Variants in DLC1 observed in about 807,000 individuals in gnomAD.
DLC1 encodes the protein DLC1 Rho GTPase activating protein.
In DLC1, 54 loss-of-function variants were observed where a neutral mutation model predicts 140.3. That is an observed-to-expected ratio of 0.38 (90% CI 0.31 to 0.48). The LOEUF (loss-of-function observed/expected upper bound fraction) is 0.48. DLC1 is among the 20% of genes least tolerant of loss of function. The probability of loss-of-function intolerance (pLI) is 0.96; values close to 1 mark genes in which losing one functional copy is unlikely to be tolerated. For missense variants in DLC1, 2,536 were observed against 1,907.0 expected (o/e 1.33, Z -6.14); for synonymous variants, 986 against 728.1 (o/e 1.35, Z -5.70).
At chr8:13,554,695 C>T (rs1803980764) in intron 1 of DLC1, among the ~76,000 whole-genome samples, 1 of 152,190 alleles carries the variant, frequency 6.6e-6, no homozygotes, top group East Asian at 1.9e-4. Context: ...ACCACCTCTA[C>T]TGCTACCAGT....
intron 16 of DLC1, 78 bp downstream of exon 16, chr8:13,088,409 T>G: frequency 1.3e-6 from 2 of 1,488,146 alleles, no homozygotes; most frequent in South Asian, 1.2e-5. Flanking sequence ...TATACCATCT[T>G]GTAAGATCAG....
intron 5 of DLC1, among the ~76,000 whole-genome samples, chr8:13,147,410 T>A (rs1823513604): frequency 6.6e-6 from 1 of 152,216 alleles, no homozygotes; most frequent in Non-Finnish European, 1.5e-5. Context: ...TCCCAGTAGC[T>A]TGTGTTCCTT....
intron 4 of DLC1, among the ~76,000 whole-genome samples, chr8:13,374,062 G>C (rs1363469746): frequency 6.6e-6 from 1 of 152,140 alleles, no homozygotes; most frequent in Admixed American, 6.6e-5. Context: ...CTCATAATGT[G>C]ATATTTTCTG....
At chr8:13,423,383 A>G (rs1416139557) in intron 2 of DLC1, among the ~76,000 whole-genome samples, 1 of 152,172 alleles carries the variant, frequency 6.6e-6, no homozygotes, top group African/African-American at 2.4e-5. Context: ...TTTCAAGGTG[A>G]ACCTAAATTT....
intron 5 of DLC1, among the ~76,000 whole-genome samples, chr8:13,159,656 T>C (rs529981358): frequency 5.6e-4 from 85 of 152,240 alleles, no homozygotes; most frequent in African/African-American, 2.0e-3. Context: ...GCACAGGTAC[T>C]ACAGAACAGA....
At chr8:13,117,737 T>A (rs1820683105) in intron 5 of DLC1, among the ~76,000 whole-genome samples, 1 of 152,326 alleles carries the variant, frequency 6.6e-6, no homozygotes, top group South Asian at 2.1e-4. Context: ...GTGCCCGCCC[T>A]TTTTTGACGA....
chr8:13,271,622 T>C (rs1830934707), intron 5 of DLC1, among the ~76,000 whole-genome samples: 2 of 152,260 alleles, frequency 1.3e-5, no homozygotes, highest in South Asian at 4.1e-4. Context: ...TTTGCCTAAA[T>C]TTTCTTGCCC....
At chr8:13,421,641 C>T (rs887948890) in intron 2 of DLC1, among the ~76,000 whole-genome samples, 5 of 152,072 alleles carry the variant, frequency 3.3e-5, no homozygotes, top group African/African-American at 1.2e-4. Context: ...AACTCAAAAA[C>T]GTCTTTGTGG....
rs1014453458 is a variant in DLC1 at position 13,324,751 on chromosome 8, A to T, written c.1315-19449T>A. ...CTTTTTAAGATTAGAGTCTTGTTGC[A>T]TACCAAGCAGTTGCAGAGTCTTTAC... is the stretch of plus-strand genomic sequence containing the variant. On this transcript the variant is annotated intron_variant, in intron 4 of 17. Transcript: ENST00000276297. Among the ~76,000 whole-genome samples the T allele has an allele frequency of 5.9e-5, 9 of 152,202 alleles. No homozygotes were observed. In the East Asian group the frequency reaches 1.5e-3, roughly 26 times the overall value.
chr8:13,480,604 C>T (rs545351678), intron 2 of DLC1, among the ~76,000 whole-genome samples: 3 of 152,166 alleles, frequency 2.0e-5, no homozygotes, highest in East Asian at 1.9e-4. Context: ...ATGCTAAAAT[C>T]GTAAAAATGC....
At position 13,597,657 on chromosome 8, in the gene DLC1, C is replaced by A. The variant is rs560981073; in HGVS notation, c.-126+6880G>T. Among the ~76,000 whole-genome samples the A allele has an allele frequency of 1.0e-3, 152 of 152,068 alleles. No homozygotes were observed. The Middle Eastern group carries it at 0.021, about 21-fold the overall frequency. ...CTTAAATGGAATTATGGGATGCACA[C>A]ACATGGGAGGCACTGACCATAATAA... is the stretch of plus-strand genomic sequence containing the variant. On this transcript the variant is annotated intron_variant, in intron 1 of 1. Coordinates refer to the DLC1 transcript ENST00000631382.
chr8:13,129,204 C>G (rs1480366265), intron 5 of DLC1, among the ~76,000 whole-genome samples: 1 of 152,208 alleles, frequency 6.6e-6, no homozygotes, highest in Non-Finnish European at 1.5e-5. Flanking sequence ...ATACTTCAAC[C>G]CTACAGCACT....
chr8:13,219,022 G>GAATATAATTATATACGAATATAAT (rs1251796878), intron 5 of DLC1, among the ~76,000 whole-genome samples: 2 of 82,108 alleles, frequency 2.4e-5, no homozygotes, highest in East Asian at 1.2e-3. Context: ...AATTATATAC[G>GAATATAATTATATACGAATATAAT]TATATAATTA....
chr8:13,147,981 C>T (rs1823556246), intron 5 of DLC1, among the ~76,000 whole-genome samples: 1 of 151,934 alleles, frequency 6.6e-6, no homozygotes, highest in Admixed American at 6.6e-5. Context: ...AGCAAGACTC[C>T]ATCTCAAAAA....
chr8:13,578,617 C>A (rs1284069337), intron 1 of DLC1, among the ~76,000 whole-genome samples: 1 of 152,154 alleles, frequency 6.6e-6, no homozygotes, highest in Non-Finnish European at 1.5e-5. Flanking sequence ...CCAGGACCCT[C>A]TCCTCAGGTT....
chr8:13,316,256 A>G (rs942713472), intron 4 of DLC1, among the ~76,000 whole-genome samples: 2 of 152,176 alleles, frequency 1.3e-5, no homozygotes, highest in Non-Finnish European at 2.9e-5. Flanking sequence ...AGAGTCTGAC[A>G]AGGTGGAAGG....
At chr8:13,173,705 A>T (rs1825614716) in intron 5 of DLC1, among the ~76,000 whole-genome samples, 1 of 152,196 alleles carries the variant, frequency 6.6e-6, no homozygotes, top group East Asian at 1.9e-4. Context: ...TAAATTAAGG[A>T]TAAAGCTATT....
intron 5 of DLC1, among the ~76,000 whole-genome samples, chr8:13,186,166 C>G (rs892701755): frequency 1.4e-4 from 21 of 152,144 alleles, no homozygotes; most frequent in Admixed American, 5.9e-4. Flanking sequence ...GTGGTGTTCT[C>G]TGTATTTCCT....
chr8:13,447,947 G>A (rs537904690), intron 2 of DLC1, among the ~76,000 whole-genome samples: 2 of 152,124 alleles, frequency 1.3e-5, no homozygotes, highest in Non-Finnish European at 2.9e-5. Flanking sequence ...AAAAATTTAG[G>A]ATGGCGTGTG....
Sources: gnomAD v4.1 joint callset for allele counts (sites outside exome capture counted in the v4.1 genomes callset) on GRCh38, gnomAD v4.1.1 for gene constraint, MANE v1.5 for transcripts, NCBI Gene and HGNC (gene_info 2026-07-23, HGNC 2026-07-21) for gene names.